Variants in FRMPD4 observed in about 807,000 individuals in gnomAD.
The protein encoded by FRMPD4 is FERM and PDZ domain-containing protein 4.
In FRMPD4, 22 loss-of-function variants were observed where a neutral mutation model predicts 94.1. The ratio of observed to expected loss-of-function variants is 0.23; its 90% CI spans 0.17 to 0.33. FRMPD4 has a LOEUF of 0.33. Ranked by LOEUF, FRMPD4 falls within the 10% of genes least tolerant of loss-of-function variation. The pLI is 1.00. For synonymous variants in FRMPD4, 631 were observed against 548.6 expected (o/e 1.15, Z -2.10); for missense variants, 1,111 against 1,339.9 (o/e 0.83, Z 2.67).
chrX:12,220,032 T>C (rs5935272), intron 1 of FRMPD4, among the ~76,000 whole-genome samples: 30,436 of 110,655 alleles, frequency 0.28, 3,806 homozygotes, highest in Non-Finnish European at 0.4. Flanking sequence ...TCCCAGCTAC[T>C]CGGGAGGCTG....
intron 2 of FRMPD4, among the ~76,000 whole-genome samples, chrX:12,609,515 T>G (rs930879729): frequency 8.9e-6 from 1 of 111,907 alleles, no homozygotes; most frequent in African/African-American, 3.2e-5. Flanking sequence ...GGATAGGCAT[T>G]CCAGGTTCGA....
intron 2 of FRMPD4, among the ~76,000 whole-genome samples, chrX:12,535,878 G>A (rs1291394523): frequency 9.0e-6 from 1 of 110,591 alleles, no homozygotes; most frequent in Non-Finnish European, 1.9e-5. Context: ...GTATAGCTGT[G>A]AGGATAAAGG....
At chrX:12,596,552 G>T (rs533302507) in intron 2 of FRMPD4, among the ~76,000 whole-genome samples, 1 of 109,417 alleles carries the variant, frequency 9.1e-6, no homozygotes, top group Non-Finnish European at 1.9e-5. Flanking sequence ...TAAGTCCTCT[G>T]GTTTCCTCCC....
chrX:12,001,120 G>A (rs369723083), intron 3 of FRMPD4, among the ~76,000 whole-genome samples: 36 of 111,932 alleles, frequency 3.2e-4, no homozygotes, highest in African/African-American at 1.1e-3. Context: ...GAAGAAAGAG[G>A]ATGAAGTCAG....
intron 3 of FRMPD4, among the ~76,000 whole-genome samples, chrX:11,952,500 T>C (rs948377029): frequency 1.8e-5 from 2 of 112,125 alleles, no homozygotes; most frequent in Admixed American, 9.4e-5. Context: ...CAGAGCCCAA[T>C]TGTAATCTGC....
intron 1 of FRMPD4, among the ~76,000 whole-genome samples, chrX:12,230,887 C>T (rs1401878197): frequency 1.2e-5 from 1 of 84,796 alleles, no homozygotes; most frequent in Admixed American, 1.5e-4. Flanking sequence ...ATAATATATA[C>T]TATATATATA....
chrX:12,402,207 C>A (rs1467313058), intron 1 of FRMPD4, among the ~76,000 whole-genome samples: 1 of 110,794 alleles, frequency 9.0e-6, no homozygotes, highest in African/African-American at 3.3e-5. Context: ...TCTTTTGTAA[C>A]CCTGGCTTTC....
At chrX:12,534,176 A>G (rs1475998029) in intron 2 of FRMPD4, among the ~76,000 whole-genome samples, 2 of 113,156 alleles carry the variant, frequency 1.8e-5, no homozygotes, top group Non-Finnish European at 3.7e-5. Flanking sequence ...TACAAGCCTC[A>G]AGCCTTGGCA....
chrX:12,536,852 G>A (rs2058344509), intron 2 of FRMPD4, among the ~76,000 whole-genome samples: 1 of 111,895 alleles, frequency 8.9e-6, no homozygotes, highest in African/African-American at 3.2e-5. Flanking sequence ...TGAGGCAAGT[G>A]AGGGGGGTCG....
chrX:12,631,047 A>G (rs771172351), intron 4 of FRMPD4, among the ~76,000 whole-genome samples: 1 of 111,158 alleles, frequency 9.0e-6, no homozygotes, highest in South Asian at 3.9e-4. Context: ...GAAGGGGAAG[A>G]TGATACAAGG....
At chrX:12,713,529 C>G (rs1602364471) in intron 14 of FRMPD4, among the ~76,000 whole-genome samples, 1 of 110,091 alleles carries the variant, frequency 9.1e-6, no homozygotes, top group Non-Finnish European at 1.9e-5. Context: ...GCGAGGATAA[C>G]AGAGAGAGAG....
intron 1 of FRMPD4, among the ~76,000 whole-genome samples, chrX:12,379,642 CGT>C (rs55742933): frequency 0.21 from 19,235 of 89,707 alleles, 1,798 homozygotes; most frequent in African/African-American, 0.26. Context: ...GATATGCTGC[CGT>C]GTGTGTGTGT....
chrX:12,413,551 G>C (rs1421525646), intron 1 of FRMPD4, among the ~76,000 whole-genome samples: 4 of 112,012 alleles, frequency 3.6e-5, no homozygotes, highest in African/African-American at 1.3e-4. Flanking sequence ...TTGTGAGTCT[G>C]GTTTGAGAGC....
At chrX:12,214,999 A>G (rs2056791703) in intron 1 of FRMPD4, among the ~76,000 whole-genome samples, 1 of 111,473 alleles carries the variant, frequency 9.0e-6, no homozygotes, top group African/African-American at 3.3e-5. Flanking sequence ...ATATATATGC[A>G]TATATGTGTG....
chrX:12,290,335 A>G (rs911217842), intron 1 of FRMPD4, among the ~76,000 whole-genome samples: 33 of 112,622 alleles, frequency 2.9e-4, no homozygotes, highest in African/African-American at 9.7e-4. Flanking sequence ...TAAATAAGTC[A>G]GATTAAAAAA....
intron 1 of FRMPD4, among the ~76,000 whole-genome samples, chrX:12,302,749 A>G (rs1180218915): frequency 8.9e-6 from 1 of 112,256 alleles, no homozygotes; most frequent in African/African-American, 3.2e-5. Flanking sequence ...AAAGTGTTTA[A>G]GAAGACCCCA....
At chrX:12,214,256 C>T (rs1045013575) in intron 1 of FRMPD4, among the ~76,000 whole-genome samples, 1 of 111,261 alleles carries the variant, frequency 9.0e-6, no homozygotes, top group African/African-American at 3.3e-5. Context: ...ACTAAACTTG[C>T]TTACAAATTG....
intron 1 of FRMPD4, among the ~76,000 whole-genome samples, chrX:12,285,454 G>T (rs1354497865): frequency 9.0e-6 from 1 of 111,308 alleles, no homozygotes. Flanking sequence ...TGTGTTGTGA[G>T]ATGTTGTGGA....
intron 1 of FRMPD4, among the ~76,000 whole-genome samples, chrX:12,174,560 C>T (rs762810065): frequency 8.9e-6 from 1 of 112,009 alleles, no homozygotes; most frequent in Non-Finnish European, 1.9e-5. Context: ...TTCCTCTCTA[C>T]TCCGTCCCCT....
Sources: gnomAD v4.1 joint callset for allele counts (sites outside exome capture counted in the v4.1 genomes callset) on GRCh38, gnomAD v4.1.1 for gene constraint, MANE v1.5 for transcripts, NCBI Gene and HGNC (gene_info 2026-07-23, HGNC 2026-07-21) for gene names.